The following ADAMTS2 variants were observed in gnomAD, a reference collection of about 807,000 sequenced individuals.
ADAMTS2 encodes the protein A disintegrin and metalloproteinase with thrombospondin motifs 2.
ADAMTS2 carries 50 observed loss-of-function variants against 123.0 expected under a neutral mutation model. The ratio of observed to expected loss-of-function variants is 0.41; its 90% confidence interval spans 0.32 to 0.51. The LOEUF (loss-of-function observed/expected upper bound fraction) is 0.51. ADAMTS2 is among the 20% of genes least tolerant of loss of function. The pLI is 0.35. For synonymous variants in ADAMTS2, 678 were observed against 695.4 expected, an observed-to-expected ratio of 0.98 and a Z score of 0.39; for missense variants, 1,494 against 1,705.2, an observed-to-expected ratio of 0.88 and a Z score of 2.18.
rs1288102968 is a variant in ADAMTS2, at chr5:179,345,248, G to A, written c.81C>T (p.Leu27=). The change falls in exon 1 of 22, where the codon CTC becomes CTT. Residue 27 remains leucine, a synonymous_variant. Coordinates refer to ENST00000251582, the MANE Select transcript of ADAMTS2 (RefSeq NM_014244.5). The surrounding 1 kb of genome is among the most constrained non-coding windows in gnomAD (Gnocchi z 7.5). ...LLLLLLLPPP[L]LPPPPPPANA... Reference sequence around the variant, plus strand: ...TCGCGGGCGGCGGCGGCGGCGGCAGGAGCGGCGGCGGCAGCAGCAGCAGCA... The same window carrying A: ...TCGCGGGCGGCGGCGGCGGCGGCAGAAGCGGCGGCGGCAGCAGCAGCAGCA... 1.3e-5 allele frequency: 15 copies of A among 1,145,710 alleles called. No individual in the cohort carries two copies. The highest frequency in any genetic ancestry group is 1.6e-5 in the Non-Finnish European group (15 of 939,196). The allele number at this position is 1,145,710 out of a possible 1,614,324, so 71.0% of individuals were successfully genotyped here.
intron 3 of ADAMTS2, among the ~76,000 whole-genome samples, chr5:179,261,293 C>T (rs568032540): frequency 7.2e-5 from 11 of 152,186 alleles, no homozygotes; most frequent in Admixed American, 2.6e-4. Flanking sequence ...CAAAAAGCAA[C>T]GCCGCTTTGC....
At chr5:179,160,293 T>C (rs746255755) in intron 5 of ADAMTS2, among the ~76,000 whole-genome samples, 16 of 152,102 alleles carry the variant, frequency 1.1e-4, no homozygotes, top group Non-Finnish European at 1.8e-4. Flanking sequence ...ACCCTGTCTC[T>C]ACTAAAAATG....
Position 179,314,049 on chromosome 5 carries a change from C to G in ADAMTS2, c.534+29718G>C, listed in dbSNP as rs1225331752. On this transcript the variant is annotated intron_variant, in intron 2 of 21. Transcript: ENST00000251582. The surrounding 1 kb of genome is among the most constrained non-coding windows in gnomAD (Gnocchi z 4.5). ...AGGACCAGGAGTTCCCAGGCAGAAC[C>G]TGATGGTGGGGCGGGGGGGTTCCTC... Among the ~76,000 whole-genome samples, 2 of 143,936 alleles carry G rather than the reference C, an allele frequency of 1.4e-5. No individual in the cohort carries two copies. The highest frequency in any genetic ancestry group is 5.2e-5 in the African/African-American group (2 of 38,140). The allele number at this position is 143,936 out of a possible 152,430, so 94.4% of individuals were successfully genotyped here.
In ADAMTS2 at chr5:179,202,437, C is replaced by T. The variant is rs1764590043; in HGVS notation, c.891+5076G>A. ...GCCTTCCCCTACCCTTCTTCCTTCT[C>T]CATCTCCTAACTATTTTATTTCTTT... On this transcript the variant is annotated intron_variant, in intron 4 of 21. Coordinates refer to ENST00000251582, the MANE Select transcript of ADAMTS2 (RefSeq NM_014244.5). This position sits in a 1 kb window ranked among gnomAD's most constrained non-coding sequence, Gnocchi z 4.0. Among the ~76,000 whole-genome samples the T allele has an allele frequency of 6.6e-6, 1 of 152,178 alleles. No homozygotes were observed. Among genetic ancestry groups the T allele is most frequent in the South Asian group, 2.1e-4 (1 of 4,832 alleles).
intron 6 of ADAMTS2, among the ~76,000 whole-genome samples, chr5:179,157,584 C>A (rs1763500894): frequency 2.0e-5 from 3 of 150,418 alleles, no homozygotes; most frequent in Admixed American, 6.6e-5. Context: ...GTGGTGTGAT[C>A]ATAGCTCACT....
chr5:179,195,708 T>G (rs1764414549), intron 4 of ADAMTS2, among the ~76,000 whole-genome samples: 1 of 152,214 alleles, frequency 6.6e-6, no homozygotes, highest in African/African-American at 2.4e-5. Context: ...TGCCCTCTTC[T>G]GAGCCTTGCG....
intron 2 of ADAMTS2, among the ~76,000 whole-genome samples, chr5:179,309,589 G>A (rs1756768306): frequency 6.6e-6 from 1 of 151,868 alleles, no homozygotes; most frequent in African/African-American, 2.4e-5. Flanking sequence ...AACCCTGTCT[G>A]TACTAAAAAT....
Position 179,153,590 on chromosome 5 carries a change from G to A in ADAMTS2, c.1416C>T (p.Ala472=). 1 of 1,607,228 alleles carries A rather than the reference G, an allele frequency of 6.2e-7. No homozygotes were observed. Among genetic ancestry groups the A allele is most frequent in the South Asian group, 1.1e-5 (1 of 90,946 alleles). The change falls in exon 9 of 22, where the codon GCC becomes GCT. Residue 472 remains alanine (A), a synonymous_variant. Coordinates refer to ENST00000251582, the MANE Select transcript of ADAMTS2 (RefSeq NM_014244.5). The part of the protein sequence containing the change: ...SYDCLLDDPF[A]HDWPALPQLP... ...GCTGGGGCAGCGCCGGCCAGTCGTG[G>A]GCGAAGGGGTCATCCAGCAGGCAGT...
intron 2 of ADAMTS2, among the ~76,000 whole-genome samples, chr5:179,337,224 T>G (rs1447630150): frequency 1.3e-5 from 2 of 151,934 alleles, no homozygotes; most frequent in Admixed American, 1.3e-4. Context: ...GCGCCAAGAT[T>G]GAGGGGGCTG....
At chr5:179,297,967 C>T (rs1289155132) in intron 2 of ADAMTS2, among the ~76,000 whole-genome samples, 2 of 152,092 alleles carry the variant, frequency 1.3e-5, no homozygotes, top group Non-Finnish European at 2.9e-5. Context: ...CCCTCCCACG[C>T]ACCAATGCCC....
intron 6 of ADAMTS2, among the ~76,000 whole-genome samples, chr5:179,157,754 G>A (rs1763505305): frequency 2.0e-5 from 3 of 152,130 alleles, no homozygotes; most frequent in Admixed American, 1.3e-4. Context: ...ATTTTGTCAA[G>A]AGCCTGATAA....
At chr5:179,168,357 C>T (rs1462205180) in intron 5 of ADAMTS2, among the ~76,000 whole-genome samples, 1 of 152,216 alleles carries the variant, frequency 6.6e-6, no homozygotes, top group African/African-American at 2.4e-5. Context: ...GTGCTCCTGA[C>T]CAGCCGGGAT....
At chr5:179,319,548 A>G (rs1757099859) in intron 2 of ADAMTS2, among the ~76,000 whole-genome samples, 1 of 151,544 alleles carries the variant, frequency 6.6e-6, no homozygotes, top group South Asian at 2.1e-4. Context: ...ACATGCACTC[A>G]CTCACACCCT....
At position 179,197,166 on chromosome 5, in the gene ADAMTS2, C is replaced by T. The variant is rs1174912816; in HGVS notation, c.891+10347G>A. ...GTGTTCCTGGTAGCAATAGGTTGAG[C>T]GCTGGCCTTGCTGCAGGCTGGGTAT... On this transcript the variant is annotated intron_variant, in intron 4 of 21. Transcript: ENST00000251582. The surrounding 1 kb of genome is among the most constrained non-coding windows in gnomAD (Gnocchi z 4.2). Among the ~76,000 whole-genome samples, 5 of 152,324 alleles carry T rather than the reference C, an allele frequency of 3.3e-5. No individual in the cohort carries two copies. The highest frequency in any genetic ancestry group is 4.1e-4 in the South Asian group (2 of 4,820).
At chr5:179,269,206 G>T (rs1766458859) in intron 3 of ADAMTS2, among the ~76,000 whole-genome samples, 1 of 152,178 alleles carries the variant, frequency 6.6e-6, no homozygotes, top group Non-Finnish European at 1.5e-5. Flanking sequence ...TTCTCCCCTG[G>T]AGCCTCTGGA....
Position 179,114,334 on chromosome 5 carries a change from A to G in ADAMTS2, c.3179-10T>C. 6.2e-7 allele frequency: 1 copy of G among 1,611,512 alleles called. No homozygotes were observed. Among genetic ancestry groups the G allele is most frequent in the Non-Finnish European group, 8.5e-7 (1 of 1,179,012 alleles). On this transcript the variant is annotated splice_polypyrimidine_tract_variant and intron_variant, in intron 21 of 21. Transcript: ENST00000251582. ...CCTTGGCAGTGGCCCTCTGAAAAAG[A>G]AAAGTGGGACAAATAACCAAAGGAC...
Position 179,137,887 on chromosome 5 carries a change from G to A in ADAMTS2, c.1833C>T (p.Ser611=), listed in dbSNP as rs778558228. Residue 611 remains serine (S), a synonymous_variant, in exon 12 of 22, where the codon AGC becomes AGT. Coordinates refer to ENST00000251582, the MANE Select transcript of ADAMTS2 (RefSeq NM_014244.5). ...SGLAYDFQLC[S]RQDCPDSLAD... is the part of the protein sequence containing the mutation. ...CCAGGGAGTCGGGGCAGTCCTGGCG[G>A]CTGCAGAGCTGGAAGTCGTAGGCAA... 6.4e-7 allele frequency: 1 copy of A among 1,555,972 alleles called. No homozygotes were observed. The highest frequency in any genetic ancestry group is 8.7e-7 in the Non-Finnish European group (1 of 1,151,162).
intron 13 of ADAMTS2, among the ~76,000 whole-genome samples, chr5:179,135,158 CCCGACT>C (rs1763043717): frequency 6.9e-6 from 1 of 144,364 alleles, no homozygotes; most frequent in Admixed American, 6.8e-5. Context: ...GCCCCCAGCT[CCCGACT>C]CCAGCTCCAG....
At chr5:179,229,237 A>G (rs1765353649) in intron 3 of ADAMTS2, among the ~76,000 whole-genome samples, 1 of 152,216 alleles carries the variant, frequency 6.6e-6, no homozygotes, top group East Asian at 1.9e-4. Context: ...GCCGTGATCA[A>G]AACACAGGCA....
Sources: gnomAD v4.1 joint callset for allele counts (sites outside exome capture counted in the v4.1 genomes callset) on GRCh38, gnomAD v4.1.1 for gene constraint, Gnocchi (gnomAD v3.1) non-coding constraint, MANE v1.5 for transcripts, NCBI Gene and HGNC (gene_info 2026-07-23, HGNC 2026-07-21) for gene names.